RARB: variants seen among roughly 807,000 people sequenced by gnomAD.
RARB encodes the protein retinoic acid receptor beta, also known as HBV-activated protein.
Under a neutral mutation model 51.9 loss-of-function variants are expected in RARB, and 17 were observed. The observed-to-expected ratio is 0.33, with a 90% CI of 0.22 to 0.49. The LOEUF (loss-of-function observed/expected upper bound fraction) is 0.49. Ranked by LOEUF, RARB falls within the 20% of genes least tolerant of loss-of-function variation. The probability of loss-of-function intolerance (pLI) is 0.99; values close to 1 mark genes in which losing one functional copy is unlikely to be tolerated. For synonymous variants in RARB, 215 were observed against 195.4 expected (o/e 1.10, Z -0.84); for missense variants, 369 against 550.8 (o/e 0.67, Z 3.30).
At chr3:25,166,957 C>T (rs1176215139) in intron 4 of RARB, among the ~76,000 whole-genome samples, 15 of 152,228 alleles carry the variant, frequency 9.9e-5, no homozygotes, top group East Asian at 1.9e-4. Flanking sequence ...ACATTTGACA[C>T]ATCCCCATGG....
chr3:25,392,499 A>G (rs925210980), intron 5 of RARB, among the ~76,000 whole-genome samples: 31 of 152,052 alleles, frequency 2.0e-4, no homozygotes, highest in African/African-American at 7.2e-4. Context: ...CATTTTTACA[A>G]TATTGATTCT....
chr3:25,089,797 G>A (rs1180832382), intron 3 of RARB, among the ~76,000 whole-genome samples: 1 of 152,072 alleles, frequency 6.6e-6, no homozygotes, highest in Non-Finnish European at 1.5e-5. Context: ...CCATACGAAT[G>A]ATACTAGAGT....
rs568793316 is a variant in RARB, at chr3:24,935,291, T to TA, written c.-380+76546dup. ...ATATATCCCACTGAGCTCAAGTAGT[T>TA]AAAAAAAGAAAACAGTACTTAATTT... On this transcript the variant is annotated intron_variant, in intron 2 of 11. Coordinates refer to the RARB transcript ENST00000383772. Among the ~76,000 whole-genome samples, 63 of 152,176 alleles carry TA rather than the reference T, an allele frequency of 4.1e-4. 1 individual carries two copies. Among genetic ancestry groups the TA allele is most frequent in the African/African-American group, 1.4e-3 (59 of 41,528 alleles).
chr3:25,182,232 A>G (rs1243211071), intron 5 of RARB, among the ~76,000 whole-genome samples: 4 of 152,226 alleles, frequency 2.6e-5, no homozygotes, highest in Non-Finnish European at 4.4e-5. Flanking sequence ...TGAAAAAATA[A>G]CAGTGTGAAA....
chr3:24,865,205 G>A (rs930532474), intron 2 of RARB, among the ~76,000 whole-genome samples: 1 of 152,102 alleles, frequency 6.6e-6, no homozygotes, highest in Non-Finnish European at 1.5e-5. Flanking sequence ...GAGTCCCTTA[G>A]TATACAAGAG....
intron 2 of RARB, among the ~76,000 whole-genome samples, chr3:24,894,720 A>G (rs951093907): frequency 8.5e-5 from 13 of 152,378 alleles, no homozygotes; most frequent in African/African-American, 3.1e-4. Flanking sequence ...AACAATACCA[A>G]TATAAATAAT....
chr3:24,933,826 T>G (rs957062798), intron 2 of RARB, among the ~76,000 whole-genome samples: 1 of 152,118 alleles, frequency 6.6e-6, no homozygotes, highest in African/African-American at 2.4e-5. Context: ...TAAGATGTAA[T>G]GTAAAATAAG....
chr3:25,219,257 C>T (rs1476539131), intron 5 of RARB, among the ~76,000 whole-genome samples: 5 of 108,530 alleles, frequency 4.6e-5, no homozygotes, highest in Non-Finnish European at 8.4e-5. Flanking sequence ...AAGGAATTAC[C>T]TCTAGGTTAA....
At chr3:24,929,740 A>G (rs1426827383) in intron 2 of RARB, among the ~76,000 whole-genome samples, 1 of 152,060 alleles carries the variant, frequency 6.6e-6, no homozygotes, top group Non-Finnish European at 1.5e-5. Context: ...TAGCACTTCT[A>G]GAGGGAGCAG....
intron 5 of RARB, among the ~76,000 whole-genome samples, chr3:25,284,486 A>T (rs1703602115): frequency 6.6e-6 from 1 of 152,170 alleles, no homozygotes; most frequent in South Asian, 2.1e-4. Context: ...GTATTACTCA[A>T]GGAAAATATT....
chr3:25,154,085 T>C lies in RARB; in HGVS notation c.-279-20034T>C, dbSNP rs62235860. 6.1e-3 allele frequency among the ~76,000 whole-genome samples: 925 copies of C among 152,358 alleles called. 4 individuals are homozygous for C. The highest frequency in any genetic ancestry group is 0.01 in the Non-Finnish European group (687 of 68,028). The stretch of plus-strand genomic sequence containing the variant: ...GCTCATTCCAAATCACTCTCTTCTA[T>C]GATTATGTGGATTTTTAAGAAGCCA... On this transcript the variant is annotated intron_variant, in intron 4 of 11. Coordinates refer to the RARB transcript ENST00000383772.
At chr3:25,075,534 G>A (rs558814930) in intron 3 of RARB, among the ~76,000 whole-genome samples, 5 of 152,154 alleles carry the variant, frequency 3.3e-5, no homozygotes, top group South Asian at 2.1e-4. Flanking sequence ...TATTTCCCCC[G>A]CTTTCTCTAG....
At chr3:25,557,607 C>T (rs986304996) in intron 3 of RARB, among the ~76,000 whole-genome samples, 3 of 152,132 alleles carry the variant, frequency 2.0e-5, no homozygotes, top group African/African-American at 4.8e-5. Flanking sequence ...TTCCTGCTGC[C>T]TGGCACCTTG....
chr3:25,002,850 C>A (rs1157633486), intron 2 of RARB, among the ~76,000 whole-genome samples: 1 of 150,270 alleles, frequency 6.7e-6, no homozygotes, highest in Non-Finnish European at 1.5e-5. Flanking sequence ...AAGAATATCT[C>A]AGAGTTGTTA....
rs560200328 is a variant in RARB at position 24,910,096 on chromosome 3, C to T, written c.-380+51344C>T. Among the ~76,000 whole-genome samples the T allele has an allele frequency of 1.5e-4, 23 of 152,180 alleles. 1 individual carries two copies. The highest frequency in any genetic ancestry group is 6.2e-4 in the South Asian group (3 of 4,826). On this transcript the variant is annotated intron_variant, in intron 2 of 11. Coordinates refer to the RARB transcript ENST00000383772. ...CCACATAAATCTGAATCTTTCTATC[C>T]CCATTTTTGGCAAAGGATTTGAACC...
chr3:24,859,147 A>T (rs1165002770), intron 2 of RARB, among the ~76,000 whole-genome samples: 1 of 151,832 alleles, frequency 6.6e-6, no homozygotes, highest in African/African-American at 2.4e-5. Flanking sequence ...TAGAATGCTT[A>T]CTCCAGTTAA....
intron 5 of RARB, among the ~76,000 whole-genome samples, chr3:25,181,527 G>A (rs1012526046): frequency 2.0e-5 from 3 of 152,144 alleles, no homozygotes; most frequent in African/African-American, 7.2e-5. Flanking sequence ...TTAGTGGGCA[G>A]AAGCTAGGAG....
At chr3:25,054,696 G>T (rs1243736092) in intron 2 of RARB, among the ~76,000 whole-genome samples, 1 of 152,030 alleles carries the variant, frequency 6.6e-6, no homozygotes, top group Admixed American at 6.6e-5. Context: ...AAAAGAGCTG[G>T]AAAATGGAGC....
chr3:25,519,865 C>T, intron 3 of RARB, among the ~76,000 whole-genome samples: 1 of 152,134 alleles, frequency 6.6e-6, no homozygotes, highest in Admixed American at 6.5e-5. Flanking sequence ...AAAATTGAGG[C>T]CAATACTGTT....
Sources: allele counts gnomAD v4.1 joint callset (sites outside exome capture counted in the v4.1 genomes callset), GRCh38; gene constraint gnomAD v4.1.1; transcripts MANE v1.5; gene names NCBI Gene and HGNC (gene_info 2026-07-23, HGNC 2026-07-21).